The following AGMO variants were observed in gnomAD, a reference collection of about 807,000 sequenced individuals.
AGMO encodes the protein glyceryl-ether monooxygenase.
AGMO carries 75 observed loss-of-function variants against 60.2 expected under a neutral mutation model. The observed-to-expected ratio is 1.25, with a 90% CI of 1.03 to 1.51. The LOEUF (loss-of-function observed/expected upper bound fraction) is 1.51. Among genes scored for constraint, AGMO ranks in the 40% most tolerant of loss-of-function variants. The pLI is 0.00. For synonymous variants in AGMO, 261 were observed against 177.1 expected, an observed-to-expected ratio of 1.47 and a Z score of -3.76; for missense variants, 763 against 525.5, an observed-to-expected ratio of 1.45 and a Z score of -4.42.
At chr7:15,446,886 A>G (rs1326892249) in intron 3 of AGMO, among the ~76,000 whole-genome samples, 2 of 152,152 alleles carry the variant, frequency 1.3e-5, no homozygotes, top group African/African-American at 2.4e-5. Context: ...GTTCACTGCA[A>G]TCTATGTCCT....
chr7:15,183,845 T>C, the AGMO span, among the ~76,000 whole-genome samples: 2 of 152,202 alleles, frequency 1.3e-5, no homozygotes, highest in Non-Finnish European at 2.9e-5. Context: ...TTATTTTTAA[T>C]GTCACAAGGG....
At chr7:15,353,736 A>G (rs963765272) in intron 12 of AGMO, among the ~76,000 whole-genome samples, 9 of 152,210 alleles carry the variant, frequency 5.9e-5, no homozygotes, top group African/African-American at 2.2e-4. Context: ...CAAATAGTAG[A>G]AAATGACATC....
At chr7:15,154,540 T>A in the AGMO span, among the ~76,000 whole-genome samples, 1 of 152,192 alleles carries the variant, frequency 6.6e-6, no homozygotes, top group Non-Finnish European at 1.5e-5. Flanking sequence ...TTCAGTTGGG[T>A]CTTGCTTCTT....
At chr7:15,450,557 G>A (rs1025499706) in intron 3 of AGMO, among the ~76,000 whole-genome samples, 4 of 151,984 alleles carry the variant, frequency 2.6e-5, no homozygotes, top group African/African-American at 9.7e-5. Flanking sequence ...TATGTAGAAA[G>A]AAAGGACCAA....
At chr7:15,360,051 G>T (rs1408051086) in intron 12 of AGMO, among the ~76,000 whole-genome samples, 1 of 152,128 alleles carries the variant, frequency 6.6e-6, no homozygotes, top group Non-Finnish European at 1.5e-5. Flanking sequence ...TTTTGGCGGA[G>T]TAGGCACAAC....
chr7:15,176,482 T>C, the AGMO span, among the ~76,000 whole-genome samples: 1 of 151,990 alleles, frequency 6.6e-6, no homozygotes, highest in East Asian at 1.9e-4. Flanking sequence ...TATTATTCAC[T>C]TTCTCTTGTA....
chr7:15,379,973 T>G (rs373406293), intron 10 of AGMO, among the ~76,000 whole-genome samples: 50 of 152,080 alleles, frequency 3.3e-4, no homozygotes, highest in Middle Eastern at 6.8e-3. Flanking sequence ...TTCATATTGC[T>G]CATTTTCAAT....
intron 12 of AGMO, among the ~76,000 whole-genome samples, chr7:15,361,007 A>G (rs4548067): frequency 0.55 from 83,929 of 151,982 alleles, 24,331 homozygotes; most frequent in African/African-American, 0.75. Context: ...GATGCCAGCC[A>G]GCTATAGCTA....
intron 3 of AGMO, among the ~76,000 whole-genome samples, chr7:15,443,190 G>A (rs983929311): frequency 1.5e-4 from 23 of 152,172 alleles, no homozygotes; most frequent in African/African-American, 4.3e-4. Context: ...GATGAGGCCG[G>A]GGGTCTAAAT....
intron 3 of AGMO, among the ~76,000 whole-genome samples, chr7:15,513,782 T>C (rs1783738421): frequency 6.6e-6 from 1 of 152,204 alleles, no homozygotes; most frequent in African/African-American, 2.4e-5. Context: ...AGGAAACCAT[T>C]GCTAAAGGAG....
chr7:15,248,369 C>G (rs1782830171), intron 12 of AGMO, among the ~76,000 whole-genome samples: 1 of 150,732 alleles, frequency 6.6e-6, no homozygotes, highest in Non-Finnish European at 1.5e-5. Context: ...ACAGAGAGCC[C>G]ATGGAGAGGT....
At chr7:15,552,167 A>G (rs1225814193) in intron 2 of AGMO, among the ~76,000 whole-genome samples, 2 of 152,192 alleles carry the variant, frequency 1.3e-5, no homozygotes, top group Admixed American at 1.3e-4. Context: ...ACAAAAATCA[A>G]TTCAAGATGG....
At chr7:15,317,955 T>A (rs5027977) in intron 12 of AGMO, among the ~76,000 whole-genome samples, 1,980 of 61,012 alleles carry the variant, frequency 0.032, 27 homozygotes, top group Admixed American at 0.059. Context: ...ACACACACAC[T>A]ATATATATAT....
At chr7:15,439,175 T>A (rs1217651456) in intron 3 of AGMO, among the ~76,000 whole-genome samples, 1 of 152,132 alleles carries the variant, frequency 6.6e-6, no homozygotes, top group Non-Finnish European at 1.5e-5. Context: ...AAGGTGGGCA[T>A]ATCACGAAGT....
intron 12 of AGMO, among the ~76,000 whole-genome samples, chr7:15,349,855 G>C (rs1782172231): frequency 6.6e-6 from 1 of 152,030 alleles, no homozygotes; most frequent in Non-Finnish European, 1.5e-5. Context: ...AGAACAAGAT[G>C]GGAGTAACCT....
intron 12 of AGMO, among the ~76,000 whole-genome samples, chr7:15,345,919 T>C (rs144564313): frequency 1.3e-5 from 2 of 152,260 alleles, no homozygotes; most frequent in African/African-American, 4.8e-5. Flanking sequence ...GCTGGATCTA[T>C]TAATCCAAGT....
At chr7:15,544,304 G>C (rs1026483776) in intron 3 of AGMO, among the ~76,000 whole-genome samples, 6 of 151,908 alleles carry the variant, frequency 3.9e-5, no homozygotes, top group East Asian at 1.9e-4. Context: ...CACAGTCTCG[G>C]AAATCAAAAC....
chr7:15,553,357 T>C (rs1785030577), intron 2 of AGMO, among the ~76,000 whole-genome samples: 1 of 150,920 alleles, frequency 6.6e-6, no homozygotes, highest in South Asian at 2.1e-4. Flanking sequence ...TAAAATAAAA[T>C]AGAAAAAAAA....
intron 2 of AGMO, among the ~76,000 whole-genome samples, chr7:15,547,666 CG>C (rs200655593): frequency 0.018 from 2,777 of 152,036 alleles, 66 homozygotes; most frequent in African/African-American, 0.064. Flanking sequence ...GAGGGTCCTA[CG>C]CCCACGGAGT....
Sources: gnomAD v4.1 joint callset for allele counts (sites outside exome capture counted in the v4.1 genomes callset) on GRCh38, gnomAD v4.1.1 for gene constraint, MANE v1.5 for transcripts, NCBI Gene and HGNC (gene_info 2026-07-23, HGNC 2026-07-21) for gene names.